Variants in PTPRD observed in about 807,000 individuals in gnomAD.
PTPRD encodes receptor-type tyrosine-protein phosphatase delta.
Under a neutral mutation model 214.5 loss-of-function variants are expected in PTPRD, and 34 were observed. The observed-to-expected ratio is 0.16, with a 90% CI of 0.12 to 0.21. The LOEUF (loss-of-function observed/expected upper bound fraction) is 0.21, where lower values mean the gene tolerates loss of function less well. Ranked by LOEUF, PTPRD falls within the 10% of genes least tolerant of loss-of-function variation. The pLI is 1.00. For missense variants in PTPRD, 2,545 were observed against 2,398.7 expected (o/e 1.06, Z -1.27); for synonymous variants, 1,128 against 845.7 (o/e 1.33, Z -5.79).
chr9:9,692,465 T>A (rs1412915660), intron 7 of PTPRD, among the ~76,000 whole-genome samples: 1 of 152,014 alleles, frequency 6.6e-6, no homozygotes, highest in East Asian at 1.9e-4. Context: ...CTGGGTTGTC[T>A]ATTCTATTCC....
chr9:10,495,528 A>G (rs1214492220), intron 2 of PTPRD, among the ~76,000 whole-genome samples: 1 of 151,874 alleles, frequency 6.6e-6, no homozygotes, highest in Non-Finnish European at 1.5e-5. Flanking sequence ...ATAATGTCTG[A>G]TAACTCTAAC....
intron 34 of PTPRD, among the ~76,000 whole-genome samples, chr9:8,442,704 C>T (rs1359986072): frequency 1.3e-5 from 2 of 151,888 alleles, no homozygotes. Flanking sequence ...TTTAGAATTC[C>T]CTGAATCAAA....
chr9:9,273,084 T>G (rs1368427821), intron 9 of PTPRD, among the ~76,000 whole-genome samples: 2 of 151,364 alleles, frequency 1.3e-5, no homozygotes, highest in African/African-American at 2.4e-5. Flanking sequence ...GAATTTGAGT[T>G]TTGTGCATTA....
At chr9:8,805,463 G>A (rs1051290209) in intron 11 of PTPRD, among the ~76,000 whole-genome samples, 11 of 151,534 alleles carry the variant, frequency 7.3e-5, no homozygotes, top group Admixed American at 3.3e-4. Flanking sequence ...GAAAGCCAGT[G>A]GCTTGCCAAT....
At chr9:9,762,291 G>C (rs1269925084) in intron 6 of PTPRD, among the ~76,000 whole-genome samples, 1 of 152,198 alleles carries the variant, frequency 6.6e-6, no homozygotes, top group African/African-American at 2.4e-5. Context: ...TGTCCCTTCA[G>C]TAAAAACTGG....
intron 9 of PTPRD, among the ~76,000 whole-genome samples, chr9:9,275,055 GTA>G (rs1191104947): frequency 2.9e-5 from 2 of 69,094 alleles, no homozygotes; most frequent in East Asian, 3.7e-4. Flanking sequence ...ATATATATAT[GTA>G]TATATATATT....
At chr9:9,317,899 C>T (rs1197945236) in intron 9 of PTPRD, among the ~76,000 whole-genome samples, 1 of 151,970 alleles carries the variant, frequency 6.6e-6, no homozygotes, top group South Asian at 2.1e-4. Context: ...CAGCCGGGTG[C>T]GGTGGCTCAC....
At chr9:10,251,302 C>T (rs2092738385) in intron 3 of PTPRD, among the ~76,000 whole-genome samples, 1 of 152,088 alleles carries the variant, frequency 6.6e-6, no homozygotes, top group African/African-American at 2.4e-5. Flanking sequence ...AATTTTTAGA[C>T]ATGAATCTCT....
intron 3 of PTPRD, among the ~76,000 whole-genome samples, chr9:10,151,123 C>G (rs911967664): frequency 6.4e-5 from 9 of 139,898 alleles, no homozygotes; most frequent in Admixed American, 1.5e-4. Context: ...TACAGTGGTG[C>G]GATCTCGGCT....
intron 7 of PTPRD, among the ~76,000 whole-genome samples, chr9:9,630,414 C>T (rs1593524299): frequency 6.6e-6 from 1 of 152,196 alleles, no homozygotes; most frequent in South Asian, 2.1e-4. Flanking sequence ...CAACCAATGT[C>T]CCACTTTTCC....
intron 8 of PTPRD, among the ~76,000 whole-genome samples, chr9:9,474,227 T>C (rs2094850679): frequency 6.6e-6 from 1 of 152,090 alleles, no homozygotes; most frequent in African/African-American, 2.4e-5. Context: ...TTCCCTAACG[T>C]ATCTTCTTGG....
intron 11 of PTPRD, among the ~76,000 whole-genome samples, chr9:8,786,049 G>C (rs1032017896): frequency 3.5e-5 from 5 of 141,442 alleles, no homozygotes; most frequent in Non-Finnish European, 3.0e-5. Flanking sequence ...GTGTGTGTGT[G>C]TGTGTGTGTG....
chr9:10,015,762 C>T (rs1391161419), intron 4 of PTPRD, among the ~76,000 whole-genome samples: 2 of 152,098 alleles, frequency 1.3e-5, no homozygotes, highest in East Asian at 3.9e-4. Context: ...GCAGCTGCCA[C>T]CATTATCATA....
chr9:8,682,316 AC>A (rs1267547184), intron 12 of PTPRD, among the ~76,000 whole-genome samples: 1 of 152,168 alleles, frequency 6.6e-6, no homozygotes, highest in Admixed American at 6.5e-5. Context: ...AGCATGACAA[AC>A]AAAAACTAAC....
chr9:9,815,220 T>G (rs897316230), intron 5 of PTPRD, among the ~76,000 whole-genome samples: 5 of 152,090 alleles, frequency 3.3e-5, no homozygotes, highest in African/African-American at 9.7e-5. Flanking sequence ...TGTCCACATA[T>G]AAGGTCGGCT....
chr9:9,226,158 A>T (rs2099959337), intron 9 of PTPRD, among the ~76,000 whole-genome samples: 1 of 151,934 alleles, frequency 6.6e-6, no homozygotes, highest in Admixed American at 6.6e-5. Flanking sequence ...AAGTGGGGGA[A>T]GAATAGTGGT....
At chr9:10,143,495 G>T (rs1388351336) in intron 3 of PTPRD, among the ~76,000 whole-genome samples, 1 of 151,992 alleles carries the variant, frequency 6.6e-6, no homozygotes, top group Non-Finnish European at 1.5e-5. Flanking sequence ...ATGGAGAGCA[G>T]TCTGGAAATT....
At chr9:9,027,795 A>G (rs1260844832) in intron 10 of PTPRD, among the ~76,000 whole-genome samples, 1 of 151,914 alleles carries the variant, frequency 6.6e-6, no homozygotes, top group Admixed American at 6.6e-5. Flanking sequence ...CATTTTACAT[A>G]AGATCTGCTT....
At chr9:8,764,831 T>G (rs1335575133) in intron 11 of PTPRD, among the ~76,000 whole-genome samples, 2 of 150,350 alleles carry the variant, frequency 1.3e-5, no homozygotes. Context: ...ATAATAATAA[T>G]AATAGCAGCT....
Sources: gnomAD v4.1 joint callset for allele counts (sites outside exome capture counted in the v4.1 genomes callset) on GRCh38, gnomAD v4.1.1 for gene constraint, MANE v1.5 for transcripts, NCBI Gene and HGNC (gene_info 2026-07-23, HGNC 2026-07-21) for gene names.